The following TTC23 variants were observed in gnomAD, a reference collection of about 807,000 sequenced individuals.
TTC23 encodes the protein tetratricopeptide repeat domain 23.
A neutral mutation model predicts 55.1 loss-of-function variants in TTC23; 58 were observed. The observed-to-expected ratio is 1.05, with a 90% CI of 0.85 to 1.31. The LOEUF (loss-of-function observed/expected upper bound fraction) is 1.31, where lower values mean the gene tolerates loss of function less well. TTC23 is among the 50% of genes most tolerant of loss of function. The pLI is 0.00. For missense variants in TTC23, 516 were observed against 534.4 expected (o/e 0.97, Z 0.34); for synonymous variants, 203 against 199.9 (o/e 1.02, Z -0.13).
At chr15:99,171,147 C>T (rs1451533421) in intron 10 of TTC23, among the ~76,000 whole-genome samples, 2 of 152,228 alleles carry the variant, frequency 1.3e-5, no homozygotes, top group African/African-American at 4.8e-5. Flanking sequence ...TGCTTCTCTG[C>T]TCTGGCTCTT....
intron 3 of TTC23, among the ~76,000 whole-genome samples, chr15:99,235,288 T>C (rs559051745): frequency 2.7e-5 from 4 of 150,908 alleles, no homozygotes; most frequent in East Asian, 1.9e-4. Context: ...AAAATATATA[T>C]ATATAAAATA....
At chr15:99,153,028 G>A (rs575733421) in intron 12 of TTC23, among the ~76,000 whole-genome samples, 10 of 152,124 alleles carry the variant, frequency 6.6e-5, no homozygotes, top group Non-Finnish European at 1.3e-4. Flanking sequence ...CGAACTCCTG[G>A]TCTCAAGTGG....
intron 3 of TTC23, among the ~76,000 whole-genome samples, 188 bp from the exon 4 acceptor site, chr15:99,235,268 A>G (rs2079221555): frequency 6.6e-6 from 1 of 151,852 alleles, no homozygotes; most frequent in African/African-American, 2.4e-5. Context: ...ACAAAACAAA[A>G]TTGTAGTAAA....
chr15:99,156,974 G>T (rs984871996), intron 11 of TTC23, among the ~76,000 whole-genome samples: 1 of 152,002 alleles, frequency 6.6e-6, no homozygotes, highest in African/African-American at 2.4e-5. Context: ...AATTGTGTGG[G>T]TCTCATTTAA....
chr15:99,226,712 G>A (rs77729078), intron 5 of TTC23, among the ~76,000 whole-genome samples: 6,604 of 152,038 alleles, frequency 0.043, 174 homozygotes, highest in South Asian at 0.079. Flanking sequence ...TCCTCTCCCT[G>A]GAACTCCTTT....
rs184996830 is a variant in TTC23 at position 99,177,904 on chromosome 15, G to T, written c.760-2749C>A. Among the ~76,000 whole-genome samples, 586 of 152,260 alleles carry T rather than the reference G, an allele frequency of 3.8e-3. 17 individuals carry two copies. The highest frequency in any genetic ancestry group is 1.3e-3 in the Non-Finnish European group (91 of 68,020). ...ATATCAAGAAAGTGAGTCAGGCTGG[G>T]CATGCTGGCTCATGCCTATAATCTC... On this transcript the variant is annotated intron_variant, in intron 9 of 13. Transcript: ENST00000394132.
chr15:99,229,619 GA>G (rs1198823203), intron 4 of TTC23, among the ~76,000 whole-genome samples: 1 of 152,212 alleles, frequency 6.6e-6, no homozygotes, highest in African/African-American at 2.4e-5. Context: ...GAGGAACCAA[GA>G]TATTAGCAGA....
At chr15:99,164,360 G>A (rs1439550911) in intron 10 of TTC23, among the ~76,000 whole-genome samples, 5 of 152,134 alleles carry the variant, frequency 3.3e-5, no homozygotes. Context: ...AGCAAATTTG[G>A]CCCATGTGCA....
rs140023286 is a variant in TTC23, at chr15:99,242,036, G to A, written c.-308-477C>T. ...TTCTCCAGCTACTTGGGAGGCTGAC[G>A]GGAGAGGACTGCTTGAGCCCAGGAG... On this transcript the variant is annotated intron_variant, in intron 2 of 13. Coordinates refer to ENST00000394132, the MANE Select transcript of TTC23 (RefSeq NM_001288615.3). Among the ~76,000 whole-genome samples, 545 of 152,032 alleles carry A rather than the reference G, an allele frequency of 3.6e-3. 10 individuals are homozygous for A. Among genetic ancestry groups the A allele is most frequent in the African/African-American group, 0.012 (505 of 41,456 alleles).
intron 9 of TTC23, among the ~76,000 whole-genome samples, chr15:99,194,549 G>C (rs993947067): frequency 2.1e-4 from 23 of 110,866 alleles, no homozygotes; most frequent in South Asian, 1.4e-3. Flanking sequence ...TGGACATCAC[G>C]TGCAAAAAAA....
chr15:99,141,894 A>C (rs1353318855), intron 12 of TTC23, among the ~76,000 whole-genome samples: 1 of 152,164 alleles, frequency 6.6e-6, no homozygotes, highest in Non-Finnish European at 1.5e-5. Context: ...CAATATCAAG[A>C]AGTAGTAAAC....
At chr15:99,205,549 A>C (rs954632219) in intron 8 of TTC23, among the ~76,000 whole-genome samples, 1 of 147,102 alleles carries the variant, frequency 6.8e-6, no homozygotes, top group Admixed American at 6.7e-5. Flanking sequence ...ATTTATTGCT[A>C]GGTTTTTTTT....
intron 9 of TTC23, among the ~76,000 whole-genome samples, chr15:99,180,199 A>G (rs139350887): frequency 2.8e-4 from 42 of 152,190 alleles, no homozygotes; most frequent in African/African-American, 5.3e-4. Flanking sequence ...TCTTTTCAGT[A>G]TCTTATGGTT....
At chr15:99,232,204 G>A (rs1567550760) in intron 4 of TTC23, among the ~76,000 whole-genome samples, 1 of 151,708 alleles carries the variant, frequency 6.6e-6, no homozygotes, top group Non-Finnish European at 1.5e-5. Context: ...ATTTGGCGGG[G>A]CGCGGTGGCT....
At position 99,138,027 on chromosome 15, in the gene TTC23, C is replaced by G. The variant is rs370645537; in HGVS notation, c.1327G>C (p.Gly443Arg). Residue 443 changes from glycine to arginine, a missense_variant, in exon 14 of 14, where the codon GGC (glycine) becomes CGC (arginine). Transcript: ENST00000394132. ...QDTLLGKARPGTTAD is the reference protein window; with the variant it reads ...QDTLLGKARPRTTAD The stretch of plus-strand genomic sequence containing the variant: ...TGGGGGCCTCAGTCTGCTGTTGTGC[C>G]GGGCCGGGCCTTCCCCAGCAGGGTG... 1.2e-6 allele frequency: 2 copies of G among 1,614,042 alleles called. No individual in the cohort carries two copies. Among genetic ancestry groups the G allele is most frequent in the East Asian group, 2.2e-5 (1 of 44,870 alleles).
chr15:99,151,899 C>T (rs1305857137), intron 12 of TTC23, among the ~76,000 whole-genome samples: 4 of 152,192 alleles, frequency 2.6e-5, no homozygotes, highest in South Asian at 4.1e-4. Flanking sequence ...CTCTGAGCCA[C>T]GAGATCAAGG....
At chr15:99,202,247 G>C (rs1181385342) in intron 8 of TTC23, among the ~76,000 whole-genome samples, 1 of 152,066 alleles carries the variant, frequency 6.6e-6, no homozygotes, top group East Asian at 1.9e-4. Flanking sequence ...ATTTAGCCTA[G>C]AGAACTCAGA....
At chr15:99,191,632 C>G (rs2075260047) in intron 9 of TTC23, among the ~76,000 whole-genome samples, 1 of 152,210 alleles carries the variant, frequency 6.6e-6, no homozygotes, top group South Asian at 2.1e-4. Flanking sequence ...GAGGCTTCCC[C>G]AGCCACGTGG....
chr15:99,184,225 TACACAGAGTCTCC>T (rs2074446667), intron 9 of TTC23, among the ~76,000 whole-genome samples: 5 of 152,140 alleles, frequency 3.3e-5, no homozygotes, highest in Admixed American at 2.0e-4. Flanking sequence ...TGGAAGCCCC[TACACAGAGTCTCC>T]ACTGGGGCAC....
Sources: gnomAD v4.1 joint callset for allele counts (sites outside exome capture counted in the v4.1 genomes callset) on GRCh38, gnomAD v4.1.1 for gene constraint, MANE v1.5 for transcripts, NCBI Gene and HGNC (gene_info 2026-07-23, HGNC 2026-07-21) for gene names.